The following IGSF10 variants were observed in gnomAD, a reference collection of about 807,000 sequenced individuals.
IGSF10 encodes immunoglobulin superfamily member 10, also known as calvaria mechanical force protein 608.
A neutral mutation model predicts 128.2 loss-of-function variants in IGSF10; 126 were observed. The ratio of observed to expected loss-of-function variants is 0.98; its 90% CI spans 0.85 to 1.14. IGSF10 has a LOEUF of 1.14. IGSF10 is among the 50% of genes most tolerant of loss of function. The pLI, the probability that IGSF10 is intolerant of heterozygous loss-of-function variation, is 0.00. For synonymous variants in IGSF10, 1,185 were observed against 1,146.2 expected (o/e 1.03, Z -0.68); for missense variants, 3,295 against 3,149.8 (o/e 1.05, Z -1.10).
At chr3:151,539,708 T>A in the IGSF10 span, among the ~76,000 whole-genome samples, 1 of 152,028 alleles carries the variant, frequency 6.6e-6, no homozygotes, top group South Asian at 2.1e-4. Context: ...TAGTGAAGAG[T>A]GATCCTTGAT....
At chr3:151,565,178 A>C in the IGSF10 span, among the ~76,000 whole-genome samples, 1 of 152,272 alleles carries the variant, frequency 6.6e-6, no homozygotes, top group East Asian at 1.9e-4. Context: ...TGGTTTGACA[A>C]TTGCTGTGTG....
downstream of IGSF10, chr3:151,432,944 A>T: frequency 2.3e-6 from 1 of 440,944 alleles, no homozygotes; most frequent in Non-Finnish European, 3.9e-6. Context: ...CATCTCACAA[A>T]AAAAAAAAAA....
rs768673428 is a variant in IGSF10, at chr3:151,437,123, TA to T, written c.7437del (p.Asn2480MetfsTer12). 6.2e-7 allele frequency: 1 copy of T among 1,614,202 alleles called. No individual in the cohort carries two copies. The highest frequency in any genetic ancestry group is 8.5e-7 in the Non-Finnish European group (1 of 1,180,012). The part of the protein sequence containing the change: ...PSGYVVDRPQ[I>X]NGKYILHDNG... ...TTGTCATGCAATATGTATTTCCCAT[TA>T]ATTTGAGGCCTGTCTACTACATAAC... On this transcript the variant is annotated frameshift_variant, in exon 8 of 8. Coordinates refer to ENST00000282466, the MANE Select transcript of IGSF10 (RefSeq NM_178822.5). LOFTEE classifies it low-confidence loss of function (END_TRUNC).
chr3:151,515,474 TG>T, the IGSF10 span, among the ~76,000 whole-genome samples: 1 of 50,800 alleles, frequency 2.0e-5, no homozygotes, highest in African/African-American at 8.1e-5. Context: ...TGTTGTGGGG[TG>T]GGGGGAGGGG....
At chr3:151,587,780 A>T in the IGSF10 span, among the ~76,000 whole-genome samples, 32 of 152,318 alleles carry the variant, frequency 2.1e-4, no homozygotes, top group African/African-American at 7.7e-4. Context: ...TGTTCTCATG[A>T]TAATGAATGA....
chr3:151,515,283 C>G, the IGSF10 span, among the ~76,000 whole-genome samples: 1 of 151,808 alleles, frequency 6.6e-6, no homozygotes, highest in African/African-American at 2.4e-5. Context: ...GAATACTACA[C>G]AGCCATAAAA....
chr3:151,599,479 G>A, the IGSF10 span, among the ~76,000 whole-genome samples: 1 of 152,166 alleles, frequency 6.6e-6, no homozygotes, highest in Non-Finnish European at 1.5e-5. Flanking sequence ...AGATAACAGA[G>A]GCAAGAAGGT....
At chr3:151,467,902 A>G in the IGSF10 span, among the ~76,000 whole-genome samples, 43,990 of 151,206 alleles carry the variant, frequency 0.29, 7,029 homozygotes, top group East Asian at 0.36. Flanking sequence ...AGAAAAAAGA[A>G]AAAAGAAAAA....
the IGSF10 span, among the ~76,000 whole-genome samples, chr3:151,505,374 A>G: frequency 6.6e-6 from 1 of 152,130 alleles, no homozygotes; most frequent in East Asian, 1.9e-4. Flanking sequence ...GAAAGGGTAA[A>G]ACCACCCCAT....
rs1165537634 is a variant in IGSF10, at chr3:151,445,430, T to C, written c.4551A>G (p.Gln1517=). The change falls in exon 6 of 8, where the codon CAA becomes CAG. Residue 1517 remains glutamine (Q), a synonymous_variant. Transcript: ENST00000282466. ...GGGATGTTGCAACCTCTGCTACTAA[T>C]TGCTGTGGTTTAGCATTGTGCCTTG... ...ESSRHNAKPQ[Q]LVAEVATSPK... The C allele has an allele frequency of 2.3e-5, 37 of 1,614,126 alleles. No homozygotes were observed. The highest frequency in any genetic ancestry group is 3.1e-5 in the Non-Finnish European group (37 of 1,180,048).
the IGSF10 span, among the ~76,000 whole-genome samples, chr3:151,591,731 A>T: frequency 6.6e-6 from 1 of 152,072 alleles, no homozygotes; most frequent in Non-Finnish European, 1.5e-5. Context: ...GAGAAATGGC[A>T]CTTAAGCCTG....
At chr3:151,564,704 T>C in the IGSF10 span, among the ~76,000 whole-genome samples, 1 of 152,160 alleles carries the variant, frequency 6.6e-6, no homozygotes, top group Admixed American at 6.6e-5. Context: ...GAGGTATGCA[T>C]GTCCTTAGAG....
At chr3:151,509,541 C>A in the IGSF10 span, among the ~76,000 whole-genome samples, 7 of 152,238 alleles carry the variant, frequency 4.6e-5, no homozygotes, top group African/African-American at 1.7e-4. Flanking sequence ...CTACAGCTCC[C>A]AGCATGAGTG....
At chr3:151,484,306 G>T in the IGSF10 span, among the ~76,000 whole-genome samples, 6 of 152,328 alleles carry the variant, frequency 3.9e-5, no homozygotes, top group Admixed American at 3.9e-4. Context: ...CCCAGTCAGG[G>T]ACTTATAGAT....
chr3:151,507,658 T>A, the IGSF10 span, among the ~76,000 whole-genome samples: 1 of 152,080 alleles, frequency 6.6e-6, no homozygotes, highest in African/African-American at 2.4e-5. Context: ...GAAAGCCTTT[T>A]ATAAAACCAT....
the IGSF10 span, among the ~76,000 whole-genome samples, chr3:151,557,296 G>C: frequency 6.6e-6 from 1 of 152,146 alleles, no homozygotes; most frequent in Admixed American, 6.5e-5. Flanking sequence ...AAATTTAAGA[G>C]AGGTGAATGG....
At chr3:151,605,617 C>T in the IGSF10 span, among the ~76,000 whole-genome samples, 1 of 152,172 alleles carries the variant, frequency 6.6e-6, no homozygotes, top group African/African-American at 2.4e-5. Context: ...TTTTCAAAAA[C>T]TTAAGTCATT....
In IGSF10 at chr3:151,446,323, T is replaced by G; in HGVS notation, c.3658A>C (p.Arg1220=). 6.2e-7 allele frequency: 1 copy of G among 1,614,066 alleles called. No homozygotes were observed. The highest frequency in any genetic ancestry group is 8.5e-7 in the Non-Finnish European group (1 of 1,179,896). ...TGTAAACTAACTTTATGTTGATTCC[T>G]TAATCTGCCTTTTGGGTTATGGTTA... ...VNNHNPKGRL[R]NQHKVSLQKS... is the part of the protein sequence containing the mutation. The change falls in exon 6 of 8, where the codon AGG becomes CGG. Residue 1220 remains arginine (R), a synonymous_variant. Transcript: ENST00000282466.
Position 151,443,394 on chromosome 3 carries a change from G to A in IGSF10, c.5553C>T (p.Val1851=), listed in dbSNP as rs1256402822. 6.2e-7 allele frequency: 1 copy of A among 1,614,232 alleles called. No homozygotes were observed. The highest frequency in any genetic ancestry group is 1.1e-5 in the South Asian group (1 of 91,078). ...AACTTTCACCCCAAGTGCCTACAAT[G>A]ACTTGCCTCCTTTGCTCTAGAATAA... ...PPVILEQRRQ[V]IVGTWGESLK... is the part of the protein sequence containing the mutation. Residue 1851 remains valine, a synonymous_variant, in exon 7 of 8, where the codon GTC becomes GTT. Coordinates refer to ENST00000282466, the MANE Select transcript of IGSF10 (RefSeq NM_178822.5).
Sources: allele counts gnomAD v4.1 joint callset (sites outside exome capture counted in the v4.1 genomes callset), GRCh38; gene constraint gnomAD v4.1.1; transcripts MANE v1.5; gene names NCBI Gene and HGNC (gene_info 2026-07-23, HGNC 2026-07-21).